Variants in MTHFD1L observed in about 807,000 individuals in gnomAD.
MTHFD1L encodes the protein monofunctional C1-tetrahydrofolate synthase, mitochondrial.
Under a neutral mutation model 119.5 loss-of-function variants are expected in MTHFD1L, and 81 were observed. The ratio of observed to expected loss-of-function variants is 0.68; its 90% confidence interval spans 0.57 to 0.82. MTHFD1L has a LOEUF of 0.82. Ranked by LOEUF, MTHFD1L falls within the 40% of genes least tolerant of loss-of-function variation. The probability of loss-of-function intolerance (pLI) is 0.00; values close to 1 mark genes in which losing one functional copy is unlikely to be tolerated. For missense variants in MTHFD1L, 1,125 were observed against 1,253.4 expected, an observed-to-expected ratio of 0.90 and a Z score of 1.55; for synonymous variants, 430 against 475.2, an observed-to-expected ratio of 0.90 and a Z score of 1.24.
intron 11 of MTHFD1L, among the ~76,000 whole-genome samples, chr6:150,931,291 T>C (rs1252607220): frequency 3.3e-5 from 4 of 120,548 alleles, no homozygotes; most frequent in South Asian, 5.0e-4. Context: ...TTTTTTTTTT[T>C]CTGCAGAGGG....
At chr6:150,968,265 G>A (rs1023132934) in intron 19 of MTHFD1L, among the ~76,000 whole-genome samples, 3 of 150,826 alleles carry the variant, frequency 2.0e-5, no homozygotes, top group East Asian at 2.0e-4. Flanking sequence ...GTTCACCACC[G>A]TATCTCCAGC....
At chr6:150,886,867 G>C (rs547179413) in intron 6 of MTHFD1L, among the ~76,000 whole-genome samples, 2 of 151,298 alleles carry the variant, frequency 1.3e-5, no homozygotes, top group African/African-American at 4.9e-5. Context: ...GTGGTGACTT[G>C]TGCCTGTAGT....
intron 27 of MTHFD1L, among the ~76,000 whole-genome samples, chr6:151,101,074 G>A (rs1230565240): frequency 6.6e-6 from 1 of 152,090 alleles, no homozygotes; most frequent in East Asian, 1.9e-4. Context: ...CGGGAGGATT[G>A]CTTGAACCCG....
intron 20 of MTHFD1L, among the ~76,000 whole-genome samples, chr6:150,979,639 T>C (rs758544936): frequency 1.3e-5 from 2 of 152,140 alleles, no homozygotes; most frequent in Non-Finnish European, 2.9e-5. Context: ...TAGCTGGGAT[T>C]ACAGGCACGC....
chr6:151,095,675 G>A (rs1022635766), intron 27 of MTHFD1L, among the ~76,000 whole-genome samples: 4 of 152,180 alleles, frequency 2.6e-5, no homozygotes, highest in Admixed American at 2.6e-4. Context: ...CCAATGTATC[G>A]GGCATTGTGC....
chr6:150,966,241 G>A (rs966307585), intron 19 of MTHFD1L, among the ~76,000 whole-genome samples: 3 of 152,186 alleles, frequency 2.0e-5, no homozygotes, highest in Admixed American at 6.5e-5. Context: ...AGGAAGCATG[G>A]CTGGGGAGGC....
intron 16 of MTHFD1L, among the ~76,000 whole-genome samples, chr6:150,954,337 C>T (rs900650272): frequency 3.9e-5 from 6 of 152,118 alleles, no homozygotes; most frequent in Non-Finnish European, 8.8e-5. Flanking sequence ...ATTCACTAAA[C>T]CAAACCTAAT....
intron 13 of MTHFD1L, among the ~76,000 whole-genome samples, chr6:150,943,673 C>A (rs945728518): frequency 6.6e-6 from 1 of 151,916 alleles, no homozygotes; most frequent in South Asian, 2.1e-4. Flanking sequence ...GTACATCTAC[C>A]GTATACAGCT....
In MTHFD1L at chr6:150,905,674, C is replaced by T; in HGVS notation, c.805C>T (p.Leu269=). ...SKLHEADIVV[L]GSPKPEEIPL... is the part of the protein sequence containing the mutation. ...GCTTCACGAGGCTGACATTGTGGTC[C>T]TAGGCTCACCTAAGCCAGAAGAGAT... Residue 269 remains leucine, a synonymous_variant, in exon 8 of 28, where the codon CTA becomes TTA. Transcript: ENST00000367321. The T allele has an allele frequency of 6.2e-7, 1 of 1,613,922 alleles. No homozygotes were observed. The highest frequency in any genetic ancestry group is 8.5e-7 in the Non-Finnish European group (1 of 1,179,934).
chr6:150,883,007 A>G, intron 5 of MTHFD1L, 121 bp downstream of exon 5: 2 of 1,032,480 alleles, frequency 1.9e-6, no homozygotes, highest in South Asian at 3.6e-5. Context: ...GGATAAAAAA[A>G]TCATTTTAAA....
chr6:150,995,514 CAAAAAA>C (rs71737990), intron 20 of MTHFD1L, among the ~76,000 whole-genome samples: 9 of 114,876 alleles, frequency 7.8e-5, no homozygotes, highest in Non-Finnish European at 1.3e-4. Context: ...AACTCCGTCT[CAAAAAA>C]AAAAAAAAAA....
chr6:150,877,972 A>G (rs1780736156), intron 4 of MTHFD1L, 146 bp downstream of exon 4: 11 of 914,320 alleles, frequency 1.2e-5, no homozygotes, highest in Non-Finnish European at 1.4e-5. Flanking sequence ...TCTTTTCTCT[A>G]GGGTAAATGC....
chr6:150,878,288 G>A (rs971333278), intron 4 of MTHFD1L, among the ~76,000 whole-genome samples: 2 of 145,746 alleles, frequency 1.4e-5, no homozygotes, highest in African/African-American at 5.1e-5. Context: ...TTTTACTTTT[G>A]TTGCCCAGGC....
At chr6:151,031,426 T>C (rs909447150) in intron 24 of MTHFD1L, among the ~76,000 whole-genome samples, 2 of 152,220 alleles carry the variant, frequency 1.3e-5, no homozygotes, top group Non-Finnish European at 2.9e-5. Context: ...ATCCCTGTCC[T>C]CTGAAGCTGC....
intron 24 of MTHFD1L, among the ~76,000 whole-genome samples, chr6:151,034,185 A>G (rs547656208): frequency 1.3e-5 from 2 of 152,162 alleles, no homozygotes; most frequent in African/African-American, 2.4e-5. Context: ...AAAAGAAATT[A>G]TAGTAAACTA....
intron 16 of MTHFD1L, among the ~76,000 whole-genome samples, chr6:150,953,998 A>T (rs1014169308): frequency 6.6e-6 from 1 of 152,078 alleles, no homozygotes; most frequent in Non-Finnish European, 1.5e-5. Context: ...TGTTTATATG[A>T]GTGTCAGTTG....
intron 7 of MTHFD1L, among the ~76,000 whole-genome samples, chr6:150,890,392 C>T (rs1320509041): frequency 6.6e-6 from 1 of 152,052 alleles, no homozygotes; most frequent in Non-Finnish European, 1.5e-5. Flanking sequence ...AAAGCGGTAT[C>T]TAGCCAGGTT....
chr6:151,013,808 A>T lies in MTHFD1L; in HGVS notation c.2295A>T (p.Glu765Asp). The T allele has an allele frequency of 6.2e-7, 1 of 1,612,558 alleles. No homozygotes were observed. The highest frequency in any genetic ancestry group is 8.5e-7 in the Non-Finnish European group (1 of 1,178,824). Reference sequence around the variant, plus strand: ...CGGCTGGTGTTCCTCTTAAGAAAGAATATACAGAGGAGGTAAGAGGAGCTG... The same window carrying T: ...CGGCTGGTGTTCCTCTTAAGAAAGATTATACAGAGGAGGTAAGAGGAGCTG... ...SVTAGVPLKK[E>D]YTEENIQLVA... Residue 765 changes from glutamate to aspartate, a missense_variant, in exon 22 of 28, where the codon GAA becomes GAT. By Grantham distance (45) the Glu-to-Asp change is conservative. Around this residue, in one of 3 missense-constraint regions of MTHFD1L, gnomAD observed 1,058 missense variants for 1,151.2 expected, o/e 0.92. Coordinates refer to ENST00000367321, the MANE Select transcript of MTHFD1L (RefSeq NM_015440.5).
At chr6:151,019,622 C>T (rs1400236719) in intron 24 of MTHFD1L, among the ~76,000 whole-genome samples, 1 of 152,170 alleles carries the variant, frequency 6.6e-6, no homozygotes, top group Non-Finnish European at 1.5e-5. Flanking sequence ...TTTCTTGTAA[C>T]AGAAATTCGA....
Sources: gnomAD v4.1 joint callset for allele counts (sites outside exome capture counted in the v4.1 genomes callset) on GRCh38, gnomAD v4.1.1 for gene constraint, gnomAD v4.1.1 regional missense constraint, MANE v1.5 for transcripts, NCBI Gene and HGNC (gene_info 2026-07-23, HGNC 2026-07-21) for gene names.